Variants in ATP12A observed in about 807,000 individuals in gnomAD.
The protein encoded by ATP12A is ATPase H+/K+ transporting non-gastric alpha2 subunit.
ATP12A carries 81 observed loss-of-function variants against 111.2 expected under a neutral mutation model. That is an observed-to-expected ratio of 0.73 (90% CI 0.61 to 0.88). The LOEUF is 0.88. ATP12A is among the 40% of genes least tolerant of loss of function. The pLI, the probability that ATP12A is intolerant of heterozygous loss-of-function variation, is 0.00. For synonymous variants in ATP12A, 498 were observed against 499.8 expected (o/e 1.00, Z 0.05); for missense variants, 1,196 against 1,313.1 (o/e 0.91, Z 1.38).
At chr13:24,698,193 A>C (rs971794564) in intron 11 of ATP12A, among the ~76,000 whole-genome samples, 1 of 152,100 alleles carries the variant, frequency 6.6e-6, no homozygotes, top group Non-Finnish European at 1.5e-5. Flanking sequence ...TTTCTATGAC[A>C]TCCAAGCAGG....
chr13:24,681,914 A>C (rs1412120631), intron 2 of ATP12A, among the ~76,000 whole-genome samples, 194 bp downstream of exon 2: 1 of 94,898 alleles, frequency 1.1e-5, no homozygotes, highest in East Asian at 3.3e-4. Context: ...GTGTGTGTGT[A>C]TGTGTGGTGT....
rs1875817144 is a variant in ATP12A, at chr13:24,708,946, A to AAAAAGAAAGAAAGG, written c.2494-416_2494-415insAAGAAAGAAAGGAA. Among the ~76,000 whole-genome samples, 2 of 100,234 alleles carry AAAAAGAAAGAAAGG rather than the reference A, an allele frequency of 2.0e-5. 1 individual carries two copies. 65.8% of individuals were successfully genotyped at this position (100,234 alleles called of 152,430 possible). A position where few individuals can be genotyped will look rare whatever the true frequency, so the allele number is the denominator to read the frequency against. ...GAAAGAAAGAAAGAAAGAAAGAAAG[A>AAAAAGAAAGAAAGG]AAGAAAGAAAGAAAGAAGGAAAGAG... On this transcript the variant is annotated intron_variant, in intron 17 of 22. Coordinates refer to ENST00000381946, the MANE Select transcript of ATP12A (RefSeq NM_001676.7).
In ATP12A at chr13:24,680,741, A is replaced by G. The variant is rs948779703; in HGVS notation, c.-3A>G. On this transcript the variant is annotated 5_prime_UTR_variant, in exon 1 of 23. Coordinates refer to ENST00000381946, the MANE Select transcript of ATP12A (RefSeq NM_001676.7). Reference sequence around the variant, plus strand: ...CCGCAGCCCGCGGCGCCACCAGCCCAGCATGCACCAGGTGCGTGCAGCCCC... The same window carrying G: ...CCGCAGCCCGCGGCGCCACCAGCCCGGCATGCACCAGGTGCGTGCAGCCCC... 4.7e-6 allele frequency: 7 copies of G among 1,503,512 alleles called. No homozygotes were observed. In the African/African-American group the frequency reaches 1.0e-4, roughly 22 times the overall value. 93.1% of individuals were successfully genotyped at this position (1,503,512 alleles called of 1,614,324 possible). A position where few individuals can be genotyped will look rare whatever the true frequency, so the allele number is the denominator to read the frequency against.
chr13:24,698,370 G>A lies in ATP12A; in HGVS notation c.1513-288G>A, dbSNP rs370242865. On this transcript the variant is annotated intron_variant, in intron 11 of 22. Coordinates refer to ENST00000381946, the MANE Select transcript of ATP12A (RefSeq NM_001676.7). ...CCTAACTCTCACGGGCACCCTGGGA[G>A]ATCTTGTTCAAGGCACAAGATTTCA... is the stretch of plus-strand genomic sequence containing the variant. Among the ~76,000 whole-genome samples, 11 of 152,102 alleles carry A rather than the reference G, an allele frequency of 7.2e-5. No homozygotes were observed. The East Asian group carries it at 7.8e-4, about 11-fold the overall frequency.
Position 24,680,776 on chromosome 13 carries a change from C to G in ATP12A, c.9+24C>G, listed in dbSNP as rs936181177. ...AGGTGCGTGCAGCCCCCGCGCCGGC[C>G]GAGGATGCGAGACGCTGGGCCAAGG... On this transcript the variant is annotated intron_variant, in intron 1 of 22. Coordinates refer to ENST00000381946, the MANE Select transcript of ATP12A (RefSeq NM_001676.7). 1.7e-5 allele frequency: 25 copies of G among 1,483,398 alleles called. 1 individual carries two copies. Among genetic ancestry groups the G allele is most frequent in the Admixed American group, 1.4e-4 (6 of 43,414 alleles). The allele number at this position is 1,483,398 out of a possible 1,614,324, so 91.9% of individuals were successfully genotyped here.
chr13:24,707,728 G>C (rs1178825252), intron 17 of ATP12A, among the ~76,000 whole-genome samples: 3 of 152,138 alleles, frequency 2.0e-5, no homozygotes, highest in Non-Finnish European at 2.9e-5. Flanking sequence ...ACCTAGGCTA[G>C]AGTGCAGTGG....
intron 2 of ATP12A, among the ~76,000 whole-genome samples, chr13:24,682,171 T>TAGC (rs1874494068): frequency 7.6e-6 from 1 of 131,636 alleles, no homozygotes; most frequent in African/African-American, 3.0e-5. Context: ...TGTGTGTATG[T>TAGC]GTGTGGTGTG....
At chr13:24,706,166 C>G in intron 14 of ATP12A, 147 bp from the exon 15 acceptor site, 1 of 1,004,770 alleles carries the variant, frequency 1.0e-6, no homozygotes, top group Non-Finnish European at 1.4e-6. Context: ...GTTCCCAGGA[C>G]TCCTGTTACC....
At chr13:24,710,737 T>C in intron 20 of ATP12A, 55 bp from the exon 21 acceptor site, 1 of 1,603,144 alleles carries the variant, frequency 6.2e-7, no homozygotes, top group Non-Finnish European at 8.5e-7. Flanking sequence ...CTGCTGGGTG[T>C]ATGATCATGA....
rs1353238672 is a variant in ATP12A, at chr13:24,711,403, C to G, written c.3085C>G (p.Pro1029Ala). The change falls in exon 22 of 23, where the codon CCT becomes GCT. Residue 1029 changes from proline to alanine, a missense_variant. Transcript: ENST00000381946. ...GCGGAAGCTCTTCATCAGGCTCTACCCTGGAAGTGAGTAGCCTATGATTTT... is the reference window on the plus strand; with the variant it reads ...GCGGAAGCTCTTCATCAGGCTCTACGCTGGAAGTGAGTAGCCTATGATTTT... The part of the protein sequence containing the change: ...EVRKLFIRLY[P>A]GSWWDKNMYY The G allele has an allele frequency of 6.2e-7, 1 of 1,613,490 alleles. No homozygotes were observed. The highest frequency in any genetic ancestry group is 8.5e-7 in the Non-Finnish European group (1 of 1,179,830).
chr13:24,690,268 C>T (rs766114701), intron 5 of ATP12A, 70 bp from the exon 6 acceptor site: 61 of 1,583,204 alleles, frequency 3.9e-5, no homozygotes, highest in East Asian at 1.8e-4. Context: ...GGGTTCGGTG[C>T]GGCACAGACT....
intron 14 of ATP12A, 30 bp downstream of exon 14, chr13:24,702,101 C>A (rs752989499): frequency 6.2e-7 from 1 of 1,613,490 alleles, no homozygotes; most frequent in Non-Finnish European, 8.5e-7. Context: ...AGTAAAAATT[C>A]CAGTTTATAC....
intron 17 of ATP12A, 38 bp downstream of exon 17, chr13:24,707,471 C>T (rs1875724965): frequency 1.2e-6 from 2 of 1,611,820 alleles, no homozygotes; most frequent in African/African-American, 2.7e-5. Context: ...TGATGCCTGC[C>T]CCAGGGGAGG....
At chr13:24,711,254 T>C (rs748163650) in intron 21 of ATP12A, 64 bp from the exon 22 acceptor site, 25 of 1,430,112 alleles carry the variant, frequency 1.7e-5, no homozygotes, top group African/African-American at 4.2e-5. Context: ...CCCATTCCCA[T>C]TGGGCAGGGT....
chr13:24,698,004 A>C lies in ATP12A; in HGVS notation c.1513-654A>C, dbSNP rs191648076. Among the ~76,000 whole-genome samples the C allele has an allele frequency of 2.7e-3, 408 of 152,312 alleles. 5 individuals are homozygous for C. Among genetic ancestry groups the C allele is most frequent in the Non-Finnish European group, 9.1e-4 (62 of 68,030 alleles). ...GAGTACCTGGCTTATCAGAAGGGCT[A>C]GATAAGAGTTAGTCCTTTTATTCTT... On this transcript the variant is annotated intron_variant, in intron 11 of 22. Coordinates refer to ENST00000381946, the MANE Select transcript of ATP12A (RefSeq NM_001676.7).
chr13:24,710,481 C>CTA lies in ATP12A; in HGVS notation c.2786_2787dup (p.Glu930Ter). The CTA allele has an allele frequency of 6.2e-7, 1 of 1,614,152 alleles. No individual in the cohort carries two copies. Among genetic ancestry groups the CTA allele is most frequent in the Non-Finnish European group, 8.5e-7 (1 of 1,180,024 alleles). On this transcript the variant is annotated frameshift_variant, in exon 20 of 23. Coordinates refer to ENST00000381946, the MANE Select transcript of ATP12A (RefSeq NM_001676.7). LOFTEE classifies it high-confidence loss of function. ...ACAGACAAGGTACCAGAGGGAATAC[C>CTA]TAGAATGGACGGGCTACACGGCTTT...
chr13:24,706,108 G>A (rs1875620807), intron 14 of ATP12A, among the ~76,000 whole-genome samples: 2 of 152,168 alleles, frequency 1.3e-5, no homozygotes, highest in South Asian at 4.1e-4. Flanking sequence ...CCAAGAAATG[G>A]TGTTATATTT....
At chr13:24,692,741 G>A (rs766417528) in intron 9 of ATP12A, 46 bp from the exon 10 acceptor site, 46 of 1,604,116 alleles carry the variant, frequency 2.9e-5, no homozygotes, top group Non-Finnish European at 3.2e-5. Flanking sequence ...ACTCATGGAC[G>A]GCCAGCCCAA....
intron 21 of ATP12A, 142 bp downstream of exon 21, chr13:24,711,035 A>G (rs1875946154): frequency 1.2e-6 from 1 of 841,494 alleles, no homozygotes; most frequent in Non-Finnish European, 1.8e-6. Context: ...TGTGAGCCCA[A>G]AGCTTTGATC....
Sources: allele counts gnomAD v4.1 joint callset (sites outside exome capture counted in the v4.1 genomes callset), GRCh38; gene constraint gnomAD v4.1.1; transcripts MANE v1.5; gene names NCBI Gene and HGNC (gene_info 2026-07-23, HGNC 2026-07-21).